The following STAU1 variants were observed in gnomAD, a reference collection of about 807,000 sequenced individuals.
STAU1 encodes staufen double-stranded RNA binding protein 1.
STAU1 carries 13 observed loss-of-function variants against 62.9 expected under a neutral mutation model. The observed-to-expected ratio is 0.21, with a 90% CI of 0.13 to 0.33. The LOEUF (loss-of-function observed/expected upper bound fraction) is 0.33, where lower values mean the gene tolerates loss of function less well. Among genes scored for constraint, STAU1 ranks in the 10% least tolerant of loss-of-function variants. The pLI is 1.00. For missense variants in STAU1, 571 were observed against 712.1 expected (o/e 0.80, Z 2.25); for synonymous variants, 269 against 265.1 (o/e 1.01, Z -0.14).
Position 49,124,617 on chromosome 20 carries a change from C to T in STAU1, c.610-30G>A, listed in dbSNP as rs534102919. ...TTCAGAGGGAAAGACTGAGTGAAAG[C>T]GGACAGACACTTATTAAAAGCTCCA... On this transcript the variant is annotated intron_variant, in intron 6 of 13. Coordinates refer to ENST00000371856, the MANE Select transcript of STAU1 (RefSeq NM_017453.4). The T allele has an allele frequency of 1.7e-5, 28 of 1,609,830 alleles. No homozygotes were observed. The East Asian group carries it at 2.7e-4, about 15-fold the overall frequency.
chr20:49,156,928 G>A (rs1022653210), intron 3 of STAU1, among the ~76,000 whole-genome samples: 8 of 151,096 alleles, frequency 5.3e-5, no homozygotes, highest in African/African-American at 1.7e-4. Context: ...CCAGGTTAGA[G>A]TGCAGTGGTG....
chr20:49,124,753 CT>C, intron 6 of STAU1, 166 bp from the exon 7 acceptor site: 1 of 707,482 alleles, frequency 1.4e-6, no homozygotes, highest in Non-Finnish European at 2.3e-6. Context: ...CGCCTTTCTT[CT>C]TACTTCTCAA....
At chr20:49,180,753 A>G (rs996511162) in intron 1 of STAU1, among the ~76,000 whole-genome samples, 1 of 152,230 alleles carries the variant, frequency 6.6e-6, no homozygotes, top group Non-Finnish European at 1.5e-5. Flanking sequence ...GCTTAATTTG[A>G]CATAACAAAT....
In STAU1 at chr20:49,166,187, T is replaced by A. The variant is rs1171541065; in HGVS notation, c.15A>T (p.Gln5His). 6 of 1,614,068 alleles carry A rather than the reference T, an allele frequency of 3.7e-6. No homozygotes were observed. The highest frequency in any genetic ancestry group is 4.2e-6 in the Non-Finnish European group (5 of 1,180,048). ...CAGCAGATGGGTTCTGAACTTGCAC[T>A]TGAACTTGAGACATGGTCACTTTCA... MSQV[Q>H]VQVQNPSAAL... is the part of the protein sequence containing the mutation. The change falls in exon 3 of 14, where the codon CAA becomes CAT. Residue 5 changes from glutamine (Q) to histidine (H), a missense_variant. Gln to His is a conservative substitution (Grantham distance 24). This residue lies in a region of STAU1 where 414 missense variants were observed against 499.6 expected (regional missense o/e 0.83). Transcript: ENST00000371856.
chr20:49,125,534 GAAAAAAAAA>G (rs527934630), intron 6 of STAU1, among the ~76,000 whole-genome samples: 2 of 76,400 alleles, frequency 2.6e-5, no homozygotes, highest in Admixed American at 1.6e-4. Flanking sequence ...TGTCTCAAAG[GAAAAAAAAA>G]AAAAAAAAAA....
At chr20:49,142,542 A>G (rs768803915) in intron 5 of STAU1, among the ~76,000 whole-genome samples, 22 of 152,312 alleles carry the variant, frequency 1.4e-4, no homozygotes, top group Non-Finnish European at 3.1e-4. Flanking sequence ...CCACAGCAGC[A>G]CTACAATCAC....
rs193072519 is a variant in STAU1 at position 49,124,725 on chromosome 20, T to C, written c.610-138A>G. On this transcript the variant is annotated intron_variant, in intron 6 of 13. Transcript: ENST00000371856. The stretch of plus-strand genomic sequence containing the variant: ...CCTACTAAATGAAAGGAAGCGGGGA[T>C]CATTTCAAATGCTTTCTCGCCTTTC... 2.6e-4 allele frequency: 215 copies of C among 825,712 alleles called. 1 individual carries two copies. In the African/African-American group the frequency reaches 2.9e-3, roughly 11 times the overall value. 51.1% of individuals were successfully genotyped at this position (825,712 alleles called of 1,614,324 possible).
intron 5 of STAU1, among the ~76,000 whole-genome samples, chr20:49,150,952 T>G (rs1026171956): frequency 6.6e-6 from 1 of 152,060 alleles, no homozygotes; most frequent in Non-Finnish European, 1.5e-5. Flanking sequence ...AAGCACCAAC[T>G]TACCAGCCAC....
At chr20:49,193,112 C>CA (rs1375203731), upstream of STAU1, among the ~76,000 whole-genome samples, 1 of 152,156 alleles carries the variant, frequency 6.6e-6, no homozygotes, top group Admixed American at 6.5e-5. Flanking sequence ...TGCAGTGACT[C>CA]ACGCCTGTAA....
intron 5 of STAU1, among the ~76,000 whole-genome samples, chr20:49,138,643 T>C (rs2092941878): frequency 6.6e-6 from 1 of 152,066 alleles, no homozygotes; most frequent in African/African-American, 2.4e-5. Flanking sequence ...CTGGGACTAC[T>C]GGCATAGGCA....
chr20:49,145,728 TA>T (rs1241552094), intron 5 of STAU1, among the ~76,000 whole-genome samples: 114 of 141,322 alleles, frequency 8.1e-4, no homozygotes, highest in Admixed American at 6.5e-4. Context: ...GACTCCGTCT[TA>T]AAAAAAAAAA....
At chr20:49,149,222 G>A (rs962226963) in intron 5 of STAU1, among the ~76,000 whole-genome samples, 3 of 150,954 alleles carry the variant, frequency 2.0e-5, no homozygotes, top group African/African-American at 7.3e-5. Context: ...CTACACTCCA[G>A]CCTGGGTGAC....
intron 3 of STAU1, among the ~76,000 whole-genome samples, chr20:49,163,178 G>A (rs1360420459): frequency 2.0e-5 from 3 of 150,500 alleles, no homozygotes; most frequent in East Asian, 2.0e-4. Flanking sequence ...GCGACAGAGC[G>A]AGACTCCATT....
intron 5 of STAU1, among the ~76,000 whole-genome samples, chr20:49,149,919 T>C (rs1247050536): frequency 6.6e-6 from 1 of 152,234 alleles, no homozygotes; most frequent in Non-Finnish European, 1.5e-5. Flanking sequence ...TCTCATCACA[T>C]AGCCCACTGT....
chr20:49,170,682 A>G (rs1391481563), intron 2 of STAU1, among the ~76,000 whole-genome samples: 1 of 152,080 alleles, frequency 6.6e-6, no homozygotes, highest in Non-Finnish European at 1.5e-5. Flanking sequence ...AGTAATTTTT[A>G]AACCGGATTA....
chr20:49,144,951 T>A (rs1334952062), intron 5 of STAU1, among the ~76,000 whole-genome samples: 1 of 152,088 alleles, frequency 6.6e-6, no homozygotes, highest in African/African-American at 2.4e-5. Flanking sequence ...ATCCCTAAGA[T>A]CCCATCATGT....
the STAU1 span, among the ~76,000 whole-genome samples, chr20:49,216,348 TA>T: frequency 6.6e-6 from 1 of 151,854 alleles, no homozygotes; most frequent in African/African-American, 2.4e-5. Context: ...TAACATGGTG[TA>T]ACCCTATCTC....
At chr20:49,210,073 A>G in the STAU1 span, among the ~76,000 whole-genome samples, 4 of 152,196 alleles carry the variant, frequency 2.6e-5, no homozygotes, top group Non-Finnish European at 5.9e-5. Flanking sequence ...ATAATAATCA[A>G]AAAAATAAAT....
At chr20:49,180,019 T>C (rs530608726) in intron 1 of STAU1, among the ~76,000 whole-genome samples, 1 of 152,292 alleles carries the variant, frequency 6.6e-6, no homozygotes, top group East Asian at 1.9e-4. Context: ...AGACTAACCA[T>C]AAGAGAAGAC....
Sources: gnomAD v4.1 joint callset for allele counts (sites outside exome capture counted in the v4.1 genomes callset) on GRCh38, gnomAD v4.1.1 for gene constraint, gnomAD v4.1.1 regional missense constraint, MANE v1.5 for transcripts, NCBI Gene and HGNC (gene_info 2026-07-23, HGNC 2026-07-21) for gene names.